TTC39B: variants seen among roughly 807,000 people sequenced by gnomAD.
TTC39B encodes tetratricopeptide repeat protein 39B.
TTC39B carries 92 observed loss-of-function variants against 96.6 expected under a neutral mutation model. That is an observed-to-expected ratio of 0.95 (90% CI 0.80 to 1.13). TTC39B has a LOEUF of 1.13. Among genes scored for constraint, TTC39B ranks in the 50% most tolerant of loss-of-function variants. The pLI, the probability that TTC39B is intolerant of heterozygous loss-of-function variation, is 0.00. For missense variants in TTC39B, 955 were observed against 809.3 expected, an observed-to-expected ratio of 1.18 and a Z score of -2.18; for synonymous variants, 367 against 299.4, an observed-to-expected ratio of 1.23 and a Z score of -2.33.
intron 1 of TTC39B, among the ~76,000 whole-genome samples, chr9:15,284,272 GC>G (rs754788774): frequency 1.3e-4 from 20 of 152,346 alleles, no homozygotes; most frequent in South Asian, 4.1e-4. Flanking sequence ...TGGCAGAGAT[GC>G]CGGAAAATAA....
At chr9:15,288,265 C>T (rs1013245083) in intron 1 of TTC39B, among the ~76,000 whole-genome samples, 7 of 152,126 alleles carry the variant, frequency 4.6e-5, no homozygotes, top group African/African-American at 4.8e-5. Flanking sequence ...GGCCTGGAAA[C>T]CCGCAGCCCT....
chr9:15,179,860 G>A (rs1389901869), intron 17 of TTC39B, among the ~76,000 whole-genome samples: 3 of 152,138 alleles, frequency 2.0e-5, no homozygotes, highest in African/African-American at 7.2e-5. Context: ...CTTGAGTTAG[G>A]CATACGGCGA....
Position 15,274,919 on chromosome 9 carries a change from T to C in TTC39B, c.241-6971A>G, listed in dbSNP as rs1823483522. Among the ~76,000 whole-genome samples, 5 of 152,306 alleles carry C rather than the reference T, an allele frequency of 3.3e-5. No homozygotes were observed. In the South Asian group the frequency reaches 1.0e-3, roughly 32 times the overall value. On this transcript the variant is annotated intron_variant, in intron 1 of 19. Coordinates refer to ENST00000512701, the Ensembl canonical transcript of TTC39B. ...AACATAAAGCTCATGCTTTAGAAAT[T>C]TTTAAACATTCATCAGTTGAGATTA...
chr9:15,250,302 G>A, intron 2 of TTC39B: 1 of 767,106 alleles, frequency 1.3e-6, no homozygotes, highest in Admixed American at 6.3e-5. Context: ...ATTATCTAGA[G>A]AAACAGGCAA....
At chr9:15,169,310 C>G (rs945655944) in exon 20 of TTC39B, 1 of 152,124 alleles carries the variant, frequency 6.6e-6, no homozygotes, top group East Asian at 1.9e-4. Flanking sequence ...ACATATATGT[C>G]CAGATAAGAG....
chr9:15,235,054 A>G (rs1219162058), intron 2 of TTC39B, among the ~76,000 whole-genome samples: 1 of 110,128 alleles, frequency 9.1e-6, no homozygotes. Flanking sequence ...AAACAAAAAC[A>G]AAACAAAACA....
At chr9:15,187,705 C>T (rs1818609810) in intron 14 of TTC39B, among the ~76,000 whole-genome samples, 1 of 152,236 alleles carries the variant, frequency 6.6e-6, no homozygotes, top group African/African-American at 2.4e-5. Flanking sequence ...AGCCATCTTC[C>T]TGCCTTAGCC....
At chr9:15,304,357 GTTGA>G (rs1400634304) in intron 1 of TTC39B, among the ~76,000 whole-genome samples, 1 of 152,160 alleles carries the variant, frequency 6.6e-6, no homozygotes, top group East Asian at 1.9e-4. Flanking sequence ...ACAAGCTTTT[GTTGA>G]TTGAGCTTTA....
chr9:15,206,975 G>A (rs1174114121), intron 6 of TTC39B, among the ~76,000 whole-genome samples: 2 of 152,170 alleles, frequency 1.3e-5, no homozygotes, highest in African/African-American at 4.8e-5. Flanking sequence ...TCATGACAGT[G>A]AGTGAGTTCT....
chr9:15,192,519 CA>C, intron 9 of TTC39B, 70 bp downstream of exon 9: 2 of 1,170,070 alleles, frequency 1.7e-6, no homozygotes, highest in African/African-American at 3.1e-5. Context: ...GGTTCAAATG[CA>C]GTGGAGAAGG....
At chr9:15,164,745 A>C (rs1817487612) in exon 20 of TTC39B, 1 of 151,612 alleles carries the variant, frequency 6.6e-6, no homozygotes, top group Admixed American at 6.6e-5. Flanking sequence ...AGCAAAAGAA[A>C]AAAAAAAATA....
At chr9:15,182,988 A>G (rs999843720) in intron 16 of TTC39B, among the ~76,000 whole-genome samples, 2 of 152,236 alleles carry the variant, frequency 1.3e-5, no homozygotes, top group African/African-American at 4.8e-5. Flanking sequence ...ATTACAGATT[A>G]TATTTAATGG....
exon 20 of TTC39B, chr9:15,166,409 T>C (rs1250195540): frequency 1.3e-5 from 2 of 152,230 alleles, no homozygotes; most frequent in African/African-American, 4.8e-5. Flanking sequence ...CTCTGGATAA[T>C]TCAGGCCAAG....
intron 7 of TTC39B, among the ~76,000 whole-genome samples, chr9:15,201,356 A>G (rs1260982914): frequency 6.6e-6 from 1 of 152,144 alleles, no homozygotes; most frequent in East Asian, 1.9e-4. Flanking sequence ...AAACAGATGA[A>G]AGTAATACAA....
At chr9:15,224,541 C>T (rs1466157281) in intron 3 of TTC39B, 2 of 152,260 alleles carry the variant, frequency 1.3e-5, no homozygotes, top group Middle Eastern at 3.2e-3. Flanking sequence ...ACTTCAACAA[C>T]TACGTGCATG....
chr9:15,267,984 A>T (rs938803631), intron 1 of TTC39B, 36 bp from the exon 2 acceptor site: 2 of 1,590,212 alleles, frequency 1.3e-6, no homozygotes, highest in African/African-American at 1.3e-5. Context: ...GTTTCTCAAG[A>T]ATTCTCAATG....
intron 2 of TTC39B, among the ~76,000 whole-genome samples, chr9:15,262,191 C>T (rs1342201741): frequency 2.6e-5 from 4 of 152,082 alleles, no homozygotes; most frequent in East Asian, 1.9e-4. Context: ...CTCGGCCTCC[C>T]GGGTTCAAGT....
At chr9:15,180,603 G>A (rs1588847458) in intron 17 of TTC39B, among the ~76,000 whole-genome samples, 1 of 152,146 alleles carries the variant, frequency 6.6e-6, no homozygotes, top group African/African-American at 2.4e-5. Context: ...TCCAATAATG[G>A]GGGTGGGGGA....
At chr9:15,205,919 A>G (rs1463253588) in intron 6 of TTC39B, among the ~76,000 whole-genome samples, 1 of 152,174 alleles carries the variant, frequency 6.6e-6, no homozygotes, top group East Asian at 1.9e-4. Flanking sequence ...GGAGACATCA[A>G]TGAGGCTGGA....
Sources: allele counts gnomAD v4.1 joint callset (sites outside exome capture counted in the v4.1 genomes callset), GRCh38; gene constraint gnomAD v4.1.1; transcripts MANE v1.5; gene names NCBI Gene and HGNC (gene_info 2026-07-23, HGNC 2026-07-21).